The following PPP1R16A variants were observed in gnomAD, a reference collection of about 807,000 sequenced individuals.
PPP1R16A encodes the protein protein phosphatase 1 regulatory subunit 16A.
In PPP1R16A, 39 loss-of-function variants were observed where a neutral mutation model predicts 46.6. That is an observed-to-expected ratio of 0.84 (90% confidence interval 0.65 to 1.09). The LOEUF is 1.09. Ranked by LOEUF, PPP1R16A falls within the 50% of genes least tolerant of loss-of-function variation. The pLI is 0.00. For missense variants in PPP1R16A, 798 were observed against 735.6 expected (o/e 1.08, Z -0.98); for synonymous variants, 413 against 321.5 (o/e 1.28, Z -3.04).
intron 7 of PPP1R16A, 37 bp from the exon 8 acceptor site, chr8:144,500,450 G>T: frequency 6.5e-7 from 1 of 1,547,154 alleles, no homozygotes; most frequent in Non-Finnish European, 8.7e-7. Flanking sequence ...TGGAGGTGGG[G>T]GATGGGGCCG....
intron 10 of PPP1R16A, 36 bp from the exon 11 acceptor site, chr8:144,501,093 C>T (rs768576455): frequency 1.2e-6 from 2 of 1,602,082 alleles, no homozygotes; most frequent in South Asian, 2.2e-5. Flanking sequence ...CCGGGCACTC[C>T]CCTTCCCCTC....
At position 144,501,629 on chromosome 8, in the gene PPP1R16A, C is replaced by T; in HGVS notation, c.1313C>T (p.Pro438Leu). 1.2e-6 allele frequency: 2 copies of T among 1,610,992 alleles called. No individual in the cohort carries two copies. Among genetic ancestry groups the T allele is most frequent in the African/African-American group, 1.3e-5 (1 of 74,888 alleles). ...CGGAGTGTCTCCTACCAGCTGAGCC[C>T]CCTGGACAGCACCACCCCCCACACC... ...LDRSVSYQLSPLDSTTPHTLV... is the reference protein window; with the variant it reads ...LDRSVSYQLSLLDSTTPHTLV... The change falls in exon 12 of 12, where the codon CCC (proline) becomes CTC (leucine). Residue 438 changes from proline (P) to leucine (L), a missense_variant. Coordinates refer to ENST00000435887, the MANE Select transcript of PPP1R16A (RefSeq NM_001329443.2).
Position 144,500,587 on chromosome 8 carries a change from T to C in PPP1R16A, c.806T>C (p.Leu269Pro). 6.3e-7 allele frequency: 1 copy of C among 1,599,474 alleles called. No individual in the cohort carries two copies. The highest frequency in any genetic ancestry group is 8.5e-7 in the Non-Finnish European group (1 of 1,179,100). ...AAGGACCAAGACGGCTGGGAGCCGC[T>C]GCACGCCGCGGCCTACTGGGGCCAG... ...SAKDQDGWEP[L>P]HAAAYWGQVP... The change falls in exon 8 of 12, where the codon CTG becomes CCG. Residue 269 changes from leucine to proline, a missense_variant. Leu to Pro is a moderately conservative substitution (Grantham distance 98, BLOSUM62 -3). Transcript: ENST00000435887.
intron 10 of PPP1R16A, 26 bp from the exon 11 acceptor site, chr8:144,501,103 C>A: frequency 6.2e-7 from 1 of 1,607,094 alleles, no homozygotes. Flanking sequence ...CCCTTCCCCT[C>A]ACTCCCTCTC....
chr8:144,494,921 C>G (rs902968057), intron 2 of PPP1R16A, among the ~76,000 whole-genome samples: 24 of 152,310 alleles, frequency 1.6e-4, no homozygotes, highest in African/African-American at 5.3e-4. Context: ...TCCTGCCTCT[C>G]TGGTACCCAT....
chr8:144,479,424 G>C (rs1825312734), intron 1 of PPP1R16A, among the ~76,000 whole-genome samples: 1 of 152,186 alleles, frequency 6.6e-6, no homozygotes, highest in African/African-American at 2.4e-5. Flanking sequence ...TTTCCTCCCT[G>C]TTGGCTGGGG....
intron 5 of PPP1R16A, 36 bp downstream of exon 5, chr8:144,499,097 T>C (rs374227125): frequency 1.0e-5 from 16 of 1,546,076 alleles, no homozygotes; most frequent in East Asian, 2.3e-5. Context: ...AGGGAGAGGC[T>C]TCCTCTCAGA....
At chr8:144,478,226 G>C (rs1825255783) in intron 1 of PPP1R16A, 99 bp downstream of exon 1, 3 of 388,016 alleles carry the variant, frequency 7.7e-6, no homozygotes, top group Non-Finnish European at 1.4e-5. Flanking sequence ...AGGGGCACTG[G>C]GTCGACACCG....
rs753824118 is a variant in PPP1R16A at position 144,501,305 on chromosome 8, C to T, written c.1203+11C>T. On this transcript the variant is annotated intron_variant, in intron 11 of 11. Transcript: ENST00000435887. ...CCGCCGCCCCCGGAGGTGAGCGCCCCGTCCCTGCTCCGCCCAGCGCAGGGG... is the reference window on the plus strand; with the variant it reads ...CCGCCGCCCCCGGAGGTGAGCGCCCTGTCCCTGCTCCGCCCAGCGCAGGGG... The T allele has an allele frequency of 2.5e-5, 39 of 1,566,766 alleles. No individual in the cohort carries two copies. Among genetic ancestry groups the T allele is most frequent in the Middle Eastern group, 3.3e-4 (2 of 5,988 alleles).
chr8:144,486,732 C>T (rs760370751), intron 1 of PPP1R16A, among the ~76,000 whole-genome samples: 11 of 152,090 alleles, frequency 7.2e-5, no homozygotes, highest in Non-Finnish European at 1.3e-4. Flanking sequence ...TTTTTTGAGA[C>T]TCGTGTGTTC....
In PPP1R16A at chr8:144,501,230, C is replaced by T. The variant is rs754628321; in HGVS notation, c.1139C>T (p.Pro380Leu). The change falls in exon 11 of 12, where the codon CCG (proline) becomes CTG (leucine). Residue 380 changes from proline to leucine, a missense_variant. Physicochemically the swap from Pro to Leu is moderately conservative, Grantham distance 98. Coordinates refer to ENST00000435887, the MANE Select transcript of PPP1R16A (RefSeq NM_001329443.2). ...TGGCAACAGCCGCCGCCCACCAGCCCGGAGCCGCCCGAGGACAACGATGAC... is the reference window on the plus strand; with the variant it reads ...TGGCAACAGCCGCCGCCCACCAGCCTGGAGCCGCCCGAGGACAACGATGAC... ...IVWQQPPPTS[P>L]EPPEDNDDRQ... The T allele has an allele frequency of 1.9e-6, 3 of 1,606,530 alleles. No homozygotes were observed. Among genetic ancestry groups the T allele is most frequent in the East Asian group, 2.2e-5 (1 of 44,786 alleles).
intron 2 of PPP1R16A, among the ~76,000 whole-genome samples, chr8:144,495,194 T>C (rs984566528): frequency 1.3e-5 from 2 of 152,160 alleles, no homozygotes; most frequent in Admixed American, 6.5e-5. Context: ...AGGCTGAACC[T>C]GTAAAGTGGG....
At chr8:144,496,115 T>A (rs1367979902) in intron 2 of PPP1R16A, 1 of 152,164 alleles carries the variant, frequency 6.6e-6, no homozygotes, top group Non-Finnish European at 1.5e-5. Context: ...CCACGAGACC[T>A]CACCCTGCCC....
intron 3 of PPP1R16A, 180 bp from the exon 4 acceptor site, chr8:144,498,590 T>C (rs963903235): frequency 2.4e-5 from 14 of 594,378 alleles, no homozygotes; most frequent in African/African-American, 1.9e-4. Context: ...CTTCTGGGAG[T>C]GTGACCGGCC....
chr8:144,487,496 A>G (rs753339752), intron 1 of PPP1R16A, among the ~76,000 whole-genome samples: 13 of 152,112 alleles, frequency 8.5e-5, no homozygotes, highest in Admixed American at 3.3e-4. Context: ...CAGCCTCCCA[A>G]GTAGCTGGAA....
intron 2 of PPP1R16A, chr8:144,495,989 G>T (rs1435875907): frequency 6.6e-6 from 1 of 152,478 alleles, no homozygotes; most frequent in East Asian, 1.9e-4. Flanking sequence ...AGAGGCTGGG[G>T]TATCAGTCAG....
intron 1 of PPP1R16A, 69 bp downstream of exon 1, chr8:144,478,196 C>T: frequency 2.6e-6 from 1 of 391,626 alleles, no homozygotes; most frequent in African/African-American, 2.1e-5. Context: ...CCAGGGAGAG[C>T]AGTGGCGGGC....
chr8:144,482,002 C>A (rs1393286847), intron 1 of PPP1R16A, among the ~76,000 whole-genome samples: 3 of 8,350 alleles, frequency 3.6e-4, no homozygotes, highest in Non-Finnish European at 8.5e-4. Flanking sequence ...TGGTCTCGAA[C>A]TCCTGACCTC....
At chr8:144,481,717 A>T (rs1295317132) in intron 1 of PPP1R16A, among the ~76,000 whole-genome samples, 1 of 152,226 alleles carries the variant, frequency 6.6e-6, no homozygotes, top group African/African-American at 2.4e-5. Context: ...ATTTTGCCAG[A>T]TGACAATGTT....
Sources: gnomAD v4.1 joint callset for allele counts (sites outside exome capture counted in the v4.1 genomes callset) on GRCh38, gnomAD v4.1.1 for gene constraint, MANE v1.5 for transcripts, NCBI Gene and HGNC (gene_info 2026-07-23, HGNC 2026-07-21) for gene names.